ARPC1B: variants seen among roughly 807,000 people sequenced by gnomAD.
ARPC1B encodes the protein actin related protein 2/3 complex subunit 1B.
In ARPC1B, 29 loss-of-function variants were observed where a neutral mutation model predicts 46.0. That is an observed-to-expected ratio of 0.63 (90% CI 0.47 to 0.86). The LOEUF (loss-of-function observed/expected upper bound fraction) is 0.86. Ranked by LOEUF, ARPC1B falls within the 40% of genes least tolerant of loss-of-function variation. ARPC1B has a pLI of 0.00. For missense variants in ARPC1B, 469 were observed against 529.4 expected, an observed-to-expected ratio of 0.89 and a Z score of 1.12; for synonymous variants, 201 against 213.9, an observed-to-expected ratio of 0.94 and a Z score of 0.53.
intron 1 of ARPC1B, among the ~76,000 whole-genome samples, chr7:99,379,029 G>A (rs1256886258): frequency 3.3e-5 from 5 of 151,946 alleles, no homozygotes; most frequent in Non-Finnish European, 7.4e-5. Context: ...CACCCACCTC[G>A]GCCTCCCAAA....
intron 2 of ARPC1B, 102 bp downstream of exon 2, chr7:99,385,880 C>T: frequency 8.3e-7 from 1 of 1,200,840 alleles, no homozygotes; most frequent in Non-Finnish European, 1.2e-6. Context: ...GCCCCCGGAC[C>T]ATGGGCTCCA....
intron 7 of ARPC1B, 37 bp downstream of exon 7, chr7:99,391,290 C>T (rs2150896564): frequency 6.3e-7 from 1 of 1,599,912 alleles, no homozygotes; most frequent in African/African-American, 1.3e-5. Context: ...TGTGTGGTCA[C>T]AGCAGGCCTC....
In ARPC1B at chr7:99,392,647, C is replaced by G. The variant is rs1794604115; in HGVS notation, c.784-24C>G. 4 of 1,462,342 alleles carry G rather than the reference C, an allele frequency of 2.7e-6. No individual in the cohort carries two copies. The South Asian group carries it at 5.5e-5, about 20-fold the overall frequency. The allele number at this position is 1,462,342 out of a possible 1,614,324, so 90.6% of individuals were successfully genotyped here. On this transcript the variant is annotated intron_variant, in intron 7 of 9. Coordinates refer to ENST00000646101, the MANE Select transcript of ARPC1B (RefSeq NM_005720.4). ...CCTCGGTTTCCCCTCCGCGGCGCTC[C>G]AATGGCCCCCGCCCTCCGCGCAGGG...
At chr7:99,376,157 C>G (rs987711684) in intron 1 of ARPC1B, among the ~76,000 whole-genome samples, 2 of 152,002 alleles carry the variant, frequency 1.3e-5, no homozygotes, top group Non-Finnish European at 2.9e-5. Context: ...GGCAGTGAGC[C>G]AAGACTGTAC....
At position 99,394,698 on chromosome 7, in the gene ARPC1B, G is replaced by GAAAAAAAAA; in HGVS notation, c.*215_*223dup. 8.6e-7 allele frequency: 1 copy of GAAAAAAAAA among 1,163,608 alleles called. No homozygotes were observed. Among genetic ancestry groups the GAAAAAAAAA allele is most frequent in the Admixed American group, 5.0e-5 (1 of 20,034 alleles). The allele number at this position is 1,163,608 out of a possible 1,614,324, so 72.1% of individuals were successfully genotyped here. A position where few individuals can be genotyped will look rare whatever the true frequency, so the allele number is the denominator to read the frequency against. The stretch of plus-strand genomic sequence containing the variant: ...TTTTTCTTAAATGCTTTCATTTATT[G>GAAAAAAAAA]AAAAAAAAAAAAAATGCCCCCAAAG... On this transcript the variant is annotated 3_prime_UTR_variant, in exon 10 of 10. Coordinates refer to ENST00000646101, the MANE Select transcript of ARPC1B (RefSeq NM_005720.4).
chr7:99,375,536 G>C (rs1026888552), intron 1 of ARPC1B, among the ~76,000 whole-genome samples: 1 of 151,756 alleles, frequency 6.6e-6, no homozygotes, highest in Admixed American at 6.6e-5. Flanking sequence ...GCGGGGCCGG[G>C]CTGCACCCGC....
At chr7:99,394,272 C>G in intron 9 of ARPC1B, 153 bp downstream of exon 9, 2 of 1,071,942 alleles carry the variant, frequency 1.9e-6, no homozygotes, top group Non-Finnish European at 2.8e-6. Flanking sequence ...ACATCTGGGC[C>G]TTGGTGCTCA....
intron 5 of ARPC1B, 107 bp from the exon 6 acceptor site, chr7:99,390,786 C>G: frequency 1.0e-6 from 1 of 977,942 alleles, no homozygotes; most frequent in Non-Finnish European, 1.5e-6. Context: ...CAGCCTTGAC[C>G]TCCTGGGTTC....
intron 8 of ARPC1B, among the ~76,000 whole-genome samples, chr7:99,393,232 C>T (rs1049240460): frequency 2.0e-5 from 3 of 152,270 alleles, no homozygotes; most frequent in Admixed American, 2.0e-4. Flanking sequence ...ATCTTGATCT[C>T]ACCATAGCAG....
At chr7:99,385,131 GT>G (rs1227077284) in intron 1 of ARPC1B, among the ~76,000 whole-genome samples, 2 of 151,524 alleles carry the variant, frequency 1.3e-5, no homozygotes, top group Non-Finnish European at 2.9e-5. Context: ...ATTTTTTGTA[GT>G]TTTAGTAAAG....
intron 1 of ARPC1B, among the ~76,000 whole-genome samples, chr7:99,377,930 C>T (rs1349944374): frequency 2.0e-5 from 3 of 151,954 alleles, no homozygotes; most frequent in Non-Finnish European, 4.4e-5. Flanking sequence ...CCGCACCCGT[C>T]GGTTGATAGG....
chr7:99,386,262 A>G (rs542451774), intron 2 of ARPC1B: 35 of 357,064 alleles, frequency 9.8e-5, no homozygotes, highest in South Asian at 2.4e-4. Flanking sequence ...AAAAAAAAAA[A>G]AGAGAGAAAG....
At chr7:99,375,458 A>G (rs370955072) in intron 1 of ARPC1B, among the ~76,000 whole-genome samples, 6 of 152,090 alleles carry the variant, frequency 3.9e-5, no homozygotes, top group African/African-American at 1.4e-4. Flanking sequence ...CTCCGCGGCC[A>G]GGGCAGATCC....
At chr7:99,377,333 G>A (rs1794057945) in intron 1 of ARPC1B, 1 of 141,588 alleles carries the variant, frequency 7.1e-6, no homozygotes, top group Non-Finnish European at 1.5e-5. Flanking sequence ...TTTTTTTTGA[G>A]ACAGTGTCTT....
intron 1 of ARPC1B, among the ~76,000 whole-genome samples, chr7:99,383,119 A>G (rs1165960606): frequency 6.6e-6 from 1 of 152,184 alleles, no homozygotes; most frequent in African/African-American, 2.4e-5. Context: ...TGCTGGGATT[A>G]CAGGCATGAG....
chr7:99,390,914 G>A lies in ARPC1B; in HGVS notation c.522G>A (p.Lys174=). 6.2e-7 allele frequency: 1 copy of A among 1,610,498 alleles called. No homozygotes were observed. The highest frequency in any genetic ancestry group is 1.1e-5 in the South Asian group (1 of 90,916). ...FKCRIFSAYI[K]EVEERPAPTP... ...GTAGGATCTTTTCAGCCTACATCAAGGAGGTGGAGGAACGGCCGGCACCCA... is the reference window on the plus strand; with the variant it reads ...GTAGGATCTTTTCAGCCTACATCAAAGAGGTGGAGGAACGGCCGGCACCCA... The change falls in exon 6 of 10, where the codon AAG becomes AAA. Residue 174 remains lysine, a synonymous_variant. Transcript: ENST00000646101.
intron 1 of ARPC1B, among the ~76,000 whole-genome samples, chr7:99,376,890 A>C (rs959560533): frequency 6.6e-6 from 1 of 151,740 alleles, no homozygotes. Context: ...AAAAAAAAGC[A>C]AACAAAAAAT....
At chr7:99,385,255 C>T (rs1399843435) in intron 1 of ARPC1B, among the ~76,000 whole-genome samples, 2 of 132,968 alleles carry the variant, frequency 1.5e-5, no homozygotes, top group African/African-American at 5.4e-5. Context: ...CGGGCCTGGC[C>T]TGGATGACTT....
In ARPC1B at chr7:99,386,805, TG is replaced by T. The variant is rs779209867; in HGVS notation, c.169+19del. 6.3e-7 allele frequency: 1 copy of T among 1,598,486 alleles called. No homozygotes were observed. The highest frequency in any genetic ancestry group is 8.6e-7 in the Non-Finnish European group (1 of 1,167,062). ...CAGGTGACAGGTATGTCAGGGTGGC[TG>T]GGACCACCGTCCTGAAAGGAGGTGG... On this transcript the variant is annotated intron_variant, in intron 3 of 9. Transcript: ENST00000646101.
Sources: gnomAD v4.1 joint callset for allele counts (sites outside exome capture counted in the v4.1 genomes callset) on GRCh38, gnomAD v4.1.1 for gene constraint, MANE v1.5 for transcripts, NCBI Gene and HGNC (gene_info 2026-07-23, HGNC 2026-07-21) for gene names.